The following MAST4 variants were observed in gnomAD, a reference collection of about 807,000 sequenced individuals.
MAST4 encodes microtubule-associated serine/threonine-protein kinase 4.
In MAST4, 89 loss-of-function variants were observed where a neutral mutation model predicts 162.7. The observed-to-expected ratio is 0.55, with a 90% CI of 0.46 to 0.65. MAST4 has a LOEUF of 0.65. Ranked by LOEUF, MAST4 falls within the 30% of genes least tolerant of loss-of-function variation. MAST4 has a pLI of 0.00. For synonymous variants in MAST4, 1,479 were observed against 1,361.1 expected, an observed-to-expected ratio of 1.09 and a Z score of -1.91; for missense variants, 3,153 against 3,374.0, an observed-to-expected ratio of 0.93 and a Z score of 1.62.
At chr5:67,153,388 C>T in intron 25 of MAST4, 70 bp from the exon 26 acceptor site, 2 of 1,480,804 alleles carry the variant, frequency 1.4e-6, no homozygotes, top group South Asian at 1.4e-5. Context: ...CATTATTCTC[C>T]CAGAAGACAC....
intron 4 of MAST4, among the ~76,000 whole-genome samples, chr5:67,000,485 T>A (rs773296695): frequency 6.6e-6 from 1 of 152,186 alleles, no homozygotes; most frequent in Non-Finnish European, 1.5e-5. Context: ...CTGTGGTGGC[T>A]CACGCCTGTA....
intron 4 of MAST4, among the ~76,000 whole-genome samples, chr5:67,045,361 G>A (rs1476354114): frequency 2.6e-5 from 4 of 152,168 alleles, no homozygotes; most frequent in Non-Finnish European, 5.9e-5. Flanking sequence ...AGCCACCAAT[G>A]ACACGTGCTA....
intron 4 of MAST4, among the ~76,000 whole-genome samples, chr5:66,990,203 T>TA: frequency 6.6e-6 from 1 of 152,298 alleles, no homozygotes; most frequent in East Asian, 1.9e-4. Context: ...TTTAAATACT[T>TA]AAAAAATACT....
chr5:66,762,823 G>T (rs1753913841), intron 2 of MAST4, among the ~76,000 whole-genome samples: 1 of 152,180 alleles, frequency 6.6e-6, no homozygotes. Context: ...TTAAAACAAA[G>T]ATTTTTAGTT....
intron 1 of MAST4, among the ~76,000 whole-genome samples, chr5:66,699,407 C>A (rs76094845): frequency 2.0e-5 from 3 of 152,142 alleles, no homozygotes; most frequent in Non-Finnish European, 4.4e-5. Flanking sequence ...AGGGGTGGAA[C>A]TGTTTTTGTT....
chr5:66,616,814 T>C (rs545843280), intron 1 of MAST4, among the ~76,000 whole-genome samples: 82 of 152,364 alleles, frequency 5.4e-4, no homozygotes, highest in Admixed American at 1.8e-3. Context: ...GACTTCCTCG[T>C]GTAAATAATA....
chr5:66,667,939 C>T (rs771658825), intron 1 of MAST4, among the ~76,000 whole-genome samples: 2 of 152,092 alleles, frequency 1.3e-5, no homozygotes, highest in Non-Finnish European at 1.5e-5. Flanking sequence ...TTAAAAGAAT[C>T]GCATTTTGAA....
intron 1 of MAST4, among the ~76,000 whole-genome samples, chr5:66,758,892 A>T (rs541877663): frequency 6.6e-6 from 1 of 152,140 alleles, no homozygotes; most frequent in African/African-American, 2.4e-5. Context: ...GTATATGAAA[A>T]TTTTTGTCCT....
At chr5:67,003,179 T>C (rs753590216) in intron 4 of MAST4, among the ~76,000 whole-genome samples, 16 of 152,002 alleles carry the variant, frequency 1.1e-4, no homozygotes, top group South Asian at 4.2e-4. Context: ...CTCATTAATA[T>C]CTATTGAAGT....
chr5:66,887,158 G>A (rs576713833), intron 3 of MAST4, among the ~76,000 whole-genome samples: 21 of 152,232 alleles, frequency 1.4e-4, no homozygotes, highest in Admixed American at 6.5e-4. Flanking sequence ...ACTCTCTTTG[G>A]TTAACTTCAA....
intron 3 of MAST4, among the ~76,000 whole-genome samples, chr5:66,852,900 T>C (rs1456392315): frequency 6.6e-6 from 1 of 152,158 alleles, no homozygotes; most frequent in Non-Finnish European, 1.5e-5. Flanking sequence ...TATGATGAGC[T>C]GAGGAGGAAG....
intron 3 of MAST4, among the ~76,000 whole-genome samples, chr5:66,789,963 C>CT (rs1755312533): frequency 8.2e-6 from 1 of 121,956 alleles, no homozygotes; most frequent in Non-Finnish European, 1.6e-5. Context: ...CGGTGTAGAC[C>CT]TTTATGTTTA....
chr5:66,653,428 G>A (rs983981607), intron 1 of MAST4, among the ~76,000 whole-genome samples: 4 of 152,138 alleles, frequency 2.6e-5, no homozygotes, highest in African/African-American at 9.7e-5. Context: ...GTAACTGCTG[G>A]GCCAGCCCCC....
At chr5:66,775,682 T>A (rs1754568084) in intron 2 of MAST4, among the ~76,000 whole-genome samples, 1 of 146,072 alleles carries the variant, frequency 6.8e-6, no homozygotes, top group Non-Finnish European at 1.6e-5. Context: ...GAACAATGGT[T>A]CTTTTGCTTT....
intron 19 of MAST4, among the ~76,000 whole-genome samples, chr5:67,141,782 T>C (rs971379269): frequency 6.6e-6 from 1 of 152,240 alleles, no homozygotes; most frequent in Admixed American, 6.5e-5. Flanking sequence ...GTGAGTCTGC[T>C]GTGGGCCAAT....
Position 66,772,861 on chromosome 5 carries a change from A to C in MAST4, c.517+12999A>C, listed in dbSNP as rs77410067. On this transcript the variant is annotated intron_variant, in intron 2 of 28. Transcript: ENST00000403625. ...TTTGAGTTGAGTAGTAAATAATTTT[A>C]GCTACCATGGTGAGGGAGGGAAAGT... is the stretch of plus-strand genomic sequence containing the variant. 5.7e-3 allele frequency among the ~76,000 whole-genome samples: 868 copies of C among 152,284 alleles called. 7 individuals carry two copies. Among genetic ancestry groups the C allele is most frequent in the African/African-American group, 0.02 (838 of 41,556 alleles).
rs763546274 is a variant in MAST4 at position 66,759,703 on chromosome 5, C to T, written c.364-6C>T. The T allele has an allele frequency of 1.2e-6, 2 of 1,613,634 alleles. No individual in the cohort carries two copies. The highest frequency in any genetic ancestry group is 4.5e-5 in the East Asian group (2 of 44,884). On this transcript the variant is annotated splice_region_variant and splice_polypyrimidine_tract_variant and intron_variant, in intron 1 of 28. Coordinates refer to ENST00000403625, the MANE Select transcript of MAST4 (RefSeq NM_001164664.2). ...GCCAGTGATGCCATTCTTCCTCTTT[C>T]TGCAGCTTGACCACATATTATCCCC...
intron 4 of MAST4, among the ~76,000 whole-genome samples, chr5:66,975,245 T>G (rs986390971): frequency 2.0e-5 from 3 of 152,176 alleles, no homozygotes; most frequent in Non-Finnish European, 1.5e-5. Flanking sequence ...GCCTCCAGAC[T>G]GGGAGAATAT....
At chr5:66,846,420 G>A (rs985454239) in intron 3 of MAST4, among the ~76,000 whole-genome samples, 1 of 152,058 alleles carries the variant, frequency 6.6e-6, no homozygotes, top group Non-Finnish European at 1.5e-5. Context: ...TTTTTCAATT[G>A]TAGGCTTAGA....
Sources: gnomAD v4.1 joint callset for allele counts (sites outside exome capture counted in the v4.1 genomes callset) on GRCh38, gnomAD v4.1.1 for gene constraint, MANE v1.5 for transcripts, NCBI Gene and HGNC (gene_info 2026-07-23, HGNC 2026-07-21) for gene names.